NDRG3: variants seen among roughly 807,000 people sequenced by gnomAD.
NDRG3 encodes protein NDRG3.
In NDRG3, 23 loss-of-function variants were observed where a neutral mutation model predicts 57.2. The observed-to-expected ratio is 0.40, with a 90% CI of 0.29 to 0.57. The LOEUF (loss-of-function observed/expected upper bound fraction) is 0.57, where lower values mean the gene tolerates loss of function less well. Ranked by LOEUF, NDRG3 falls within the 20% of genes least tolerant of loss-of-function variation. The probability of loss-of-function intolerance (pLI) is 0.42; values close to 1 mark genes in which losing one functional copy is unlikely to be tolerated. For missense variants in NDRG3, 384 were observed against 457.3 expected, an observed-to-expected ratio of 0.84 and a Z score of 1.46; for synonymous variants, 132 against 162.6, an observed-to-expected ratio of 0.81 and a Z score of 1.43.
chr20:36,731,604 G>A (rs767016225), intron 1 of NDRG3, among the ~76,000 whole-genome samples: 3 of 151,326 alleles, frequency 2.0e-5, no homozygotes, highest in Non-Finnish European at 4.4e-5. Context: ...TCAGGAGATC[G>A]AGACCATCCT....
intron 8 of NDRG3, among the ~76,000 whole-genome samples, chr20:36,676,612 A>G (rs961768989): frequency 6.6e-6 from 1 of 152,088 alleles, no homozygotes; most frequent in African/African-American, 2.4e-5. Flanking sequence ...ACAGGCATAC[A>G]CCACCAGGCC....
intron 3 of NDRG3, among the ~76,000 whole-genome samples, chr20:36,691,693 G>A (rs1279102881): frequency 1.3e-5 from 2 of 152,174 alleles, no homozygotes; most frequent in Non-Finnish European, 2.9e-5. Flanking sequence ...TCCAGCCTGG[G>A]TGACAGAGTG....
chr20:36,653,422 T>A lies in NDRG3; in HGVS notation c.*98A>T. 9.2e-7 allele frequency: 1 copy of A among 1,085,964 alleles called. No homozygotes were observed. 67.3% of individuals were successfully genotyped at this position (1,085,964 alleles called of 1,614,324 possible). On this transcript the variant is annotated 3_prime_UTR_variant, in exon 16 of 16. Coordinates refer to ENST00000349004, the MANE Select transcript of NDRG3 (RefSeq NM_032013.4). The surrounding 1 kb of genome is among the most constrained non-coding windows in gnomAD (Gnocchi z 4.2). ...GAGAGGTTCAGTGGCCATGCATGAG[T>A]TAAAGATAGTAGAGGCCAGTTTACT... is the stretch of plus-strand genomic sequence containing the variant.
intron 1 of NDRG3, among the ~76,000 whole-genome samples, chr20:36,736,306 T>C (rs914213000): frequency 6.6e-6 from 1 of 152,212 alleles, no homozygotes. Context: ...TTTTTAAAGC[T>C]TCACAGGTAA....
At chr20:36,693,597 G>A (rs375484671) in intron 3 of NDRG3, among the ~76,000 whole-genome samples, 2 of 151,996 alleles carry the variant, frequency 1.3e-5, no homozygotes, top group East Asian at 3.9e-4. Flanking sequence ...TCTGTCTTAA[G>A]AGCCACTCCC....
Position 36,653,615 on chromosome 20 carries a change from G to A in NDRG3, c.1033C>T (p.Arg345Trp), listed in dbSNP as rs780704357. 11 of 1,614,150 alleles carry A rather than the reference G, an allele frequency of 6.8e-6. No homozygotes were observed. Among genetic ancestry groups the A allele is most frequent in the East Asian group, 4.5e-5 (2 of 44,882 alleles). Reference sequence around the variant, plus strand: ...TCTGACTGATTGCTGGTGACAGACCGGCTGAAGGGACTTTCTCCAGAGCCG... The same window carrying A: ...TCTGACTGATTGCTGGTGACAGACCAGCTGAAGGGACTTTCTCCAGAGCCG... Reference protein sequence around the residue: ...SLGSGESPFSRSVTSNQSDGT... With the variant: ...SLGSGESPFSWSVTSNQSDGT... Residue 345 changes from arginine to tryptophan, a missense_variant, in exon 16 of 16, where the codon CGG becomes TGG. Physicochemically the swap from Arg to Trp is moderately radical, Grantham distance 101. Coordinates refer to ENST00000349004, the MANE Select transcript of NDRG3 (RefSeq NM_032013.4). The surrounding 1 kb of genome is among the most constrained non-coding windows in gnomAD (Gnocchi z 4.2).
At chr20:36,696,892 CA>C (rs1381413289) in intron 3 of NDRG3, among the ~76,000 whole-genome samples, 1 of 152,220 alleles carries the variant, frequency 6.6e-6, no homozygotes, top group East Asian at 1.9e-4. Context: ...ACAGCATTGA[CA>C]ATCTGTTCCA....
intron 3 of NDRG3, among the ~76,000 whole-genome samples, chr20:36,693,011 G>A (rs560087840): frequency 1.5e-5 from 2 of 135,500 alleles, no homozygotes; most frequent in African/African-American, 5.6e-5. Flanking sequence ...GGAGGTCAAG[G>A]CTGTAGTTAG....
At chr20:36,681,366 G>A (rs900342271) in intron 7 of NDRG3, among the ~76,000 whole-genome samples, 6 of 151,876 alleles carry the variant, frequency 4.0e-5, no homozygotes, top group African/African-American at 9.7e-5. Flanking sequence ...GGCCGGGCAC[G>A]GTGGCTCACG....
In NDRG3 at chr20:36,721,790, C is replaced by T; in HGVS notation, c.-48-7G>A. On this transcript the variant is annotated splice_region_variant and splice_polypyrimidine_tract_variant and intron_variant, in intron 1 of 15. Coordinates refer to ENST00000349004, the MANE Select transcript of NDRG3 (RefSeq NM_032013.4). ...CAAGAATAAATCAGTAACTCTGAAACAGAAAAGAAAGAAGTGAAGAAAAAG... is the reference window on the plus strand; with the variant it reads ...CAAGAATAAATCAGTAACTCTGAAATAGAAAAGAAAGAAGTGAAGAAAAAG... 2.3e-6 allele frequency: 3 copies of T among 1,285,750 alleles called. No homozygotes were observed. The highest frequency in any genetic ancestry group is 2.2e-6 in the Non-Finnish European group (2 of 898,120). 79.6% of individuals were successfully genotyped at this position (1,285,750 alleles called of 1,614,324 possible).
intron 1 of NDRG3, among the ~76,000 whole-genome samples, chr20:36,739,133 T>TTA (rs1568676736): frequency 0.017 from 530 of 31,506 alleles, 203 homozygotes; most frequent in East Asian, 0.027. Context: ...AGACCCCATC[T>TTA]CAAAAAAAAA....
At position 36,724,638 on chromosome 20, in the gene NDRG3, C is replaced by T. The variant is rs1275268; in HGVS notation, c.-48-2855G>A. Among the ~76,000 whole-genome samples the T allele has an allele frequency of 9.2e-3, 1,396 of 152,226 alleles. 13 individuals carry two copies. Among genetic ancestry groups the T allele is most frequent in the African/African-American group, 0.032 (1,312 of 41,558 alleles). On this transcript the variant is annotated intron_variant, in intron 1 of 15. Coordinates refer to ENST00000349004, the MANE Select transcript of NDRG3 (RefSeq NM_032013.4). ...GTTATTTTAAATGGCAATTTAAAAG[C>T]GTTTTCCGGCCGGGCCCGGTGGCTC... is the stretch of plus-strand genomic sequence containing the variant.
chr20:36,722,608 A>G (rs1481916012), intron 1 of NDRG3, among the ~76,000 whole-genome samples: 1 of 152,172 alleles, frequency 6.6e-6, no homozygotes, highest in Non-Finnish European at 1.5e-5. Context: ...TTACTGCAGG[A>G]TGAGGACTTG....
At chr20:36,666,216 C>T (rs1291606475) in intron 10 of NDRG3, 73 bp downstream of exon 10, 7 of 1,131,542 alleles carry the variant, frequency 6.2e-6, no homozygotes, top group Non-Finnish European at 9.4e-6. Context: ...AGATACAGTC[C>T]TCTCTCCTTC....
intron 15 of NDRG3, among the ~76,000 whole-genome samples, chr20:36,655,026 T>G (rs1978535545): frequency 6.6e-6 from 1 of 152,228 alleles, no homozygotes; most frequent in Non-Finnish European, 1.5e-5. Flanking sequence ...TTTCCTCAAC[T>G]AGACAAAGGC....
chr20:36,688,531 T>C, intron 4 of NDRG3, 148 bp downstream of exon 4: 1 of 635,224 alleles, frequency 1.6e-6, no homozygotes, highest in Non-Finnish European at 2.8e-6. Context: ...CCAGGAACTT[T>C]ATACCATTAA....
chr20:36,677,322 C>A (rs1980835342), intron 8 of NDRG3, among the ~76,000 whole-genome samples: 1 of 152,228 alleles, frequency 6.6e-6, no homozygotes, highest in African/African-American at 2.4e-5. Context: ...CCCAGTAAGG[C>A]CCCACCCTCA....
chr20:36,721,187 C>T (rs919420674), intron 2 of NDRG3, among the ~76,000 whole-genome samples: 4 of 151,424 alleles, frequency 2.6e-5, no homozygotes, highest in Admixed American at 1.3e-4. Flanking sequence ...CTCATGGAAA[C>T]AAAAGTAGGA....
chr20:36,715,002 GTGTGTATATA>G (rs1329790873), intron 2 of NDRG3, among the ~76,000 whole-genome samples: 214 of 39,516 alleles, frequency 5.4e-3, no homozygotes, highest in Middle Eastern at 0.013. Context: ...GTGTGTGTGT[GTGTGTATATA>G]TATATATATA....
Sources: gnomAD v4.1 joint callset for allele counts (sites outside exome capture counted in the v4.1 genomes callset) on GRCh38, gnomAD v4.1.1 for gene constraint, Gnocchi (gnomAD v3.1) non-coding constraint, MANE v1.5 for transcripts, NCBI Gene and HGNC (gene_info 2026-07-23, HGNC 2026-07-21) for gene names.